Variants in DLGAP1 observed in about 807,000 individuals in gnomAD.
DLGAP1 encodes the protein DLG associated protein 1, also known as disks large-associated protein 1.
DLGAP1 carries 11 observed loss-of-function variants against 90.8 expected under a neutral mutation model. The observed-to-expected ratio is 0.12, with a 90% CI of 0.08 to 0.20. DLGAP1 has a LOEUF of 0.20. Among genes scored for constraint, DLGAP1 ranks in the 10% least tolerant of loss-of-function variants. The pLI is 1.00. For synonymous variants in DLGAP1, 558 were observed against 540.7 expected (o/e 1.03, Z -0.44); for missense variants, 1,050 against 1,333.8 (o/e 0.79, Z 3.31).
chr18:4,131,197 CGT>C lies in DLGAP1; in HGVS notation c.-159+19981_-159+19982del, dbSNP rs151048659. ...ATGAGCTTCAGGAAAAAAACGTGGGCGTGTGTGTGTGTGTGCGTGCAAGCACG... is the reference window on the plus strand; with the variant it reads ...ATGAGCTTCAGGAAAAAAACGTGGGCGTGTGTGTGTGTGCGTGCAAGCACG... On this transcript the variant is annotated intron_variant, in intron 2 of 12. Transcript: ENST00000315677. Among the ~76,000 whole-genome samples, 375 of 150,604 alleles carry C rather than the reference CGT, an allele frequency of 2.5e-3. 1 individual carries two copies. Among genetic ancestry groups the C allele is most frequent in the African/African-American group, 8.2e-3 (336 of 41,200 alleles).
intron 1 of DLGAP1, among the ~76,000 whole-genome samples, chr18:4,268,945 G>C (rs975850461): frequency 6.6e-6 from 1 of 152,064 alleles, no homozygotes; most frequent in Non-Finnish European, 1.5e-5. Flanking sequence ...CTTTTATTCA[G>C]TATTGTGTTA....
At chr18:3,980,847 A>G (rs2073712458) in intron 3 of DLGAP1, among the ~76,000 whole-genome samples, 1 of 152,220 alleles carries the variant, frequency 6.6e-6, no homozygotes, top group Non-Finnish European at 1.5e-5. Flanking sequence ...AAGCTAATTA[A>G]CATATCTATT....
At chr18:3,510,622 G>A (rs1022526660) in intron 10 of DLGAP1, among the ~76,000 whole-genome samples, 1 of 152,134 alleles carries the variant, frequency 6.6e-6, no homozygotes, top group African/African-American at 2.4e-5. Context: ...TTGCTGAAGG[G>A]TAGGACTGTG....
intron 1 of DLGAP1, among the ~76,000 whole-genome samples, chr18:4,443,027 T>A (rs1767678468): frequency 1.3e-5 from 2 of 152,206 alleles, no homozygotes; most frequent in African/African-American, 2.4e-5. Flanking sequence ...CATTCTCCAA[T>A]AGCGGACATC....
At chr18:3,792,631 C>T (rs1295379583) in intron 5 of DLGAP1, among the ~76,000 whole-genome samples, 1 of 152,152 alleles carries the variant, frequency 6.6e-6, no homozygotes, top group Non-Finnish European at 1.5e-5. Flanking sequence ...CCACTGCAGA[C>T]CAGAAGGAAT....
intron 3 of DLGAP1, among the ~76,000 whole-genome samples, chr18:4,000,320 G>T (rs1171532651): frequency 6.6e-6 from 1 of 151,848 alleles, no homozygotes; most frequent in Non-Finnish European, 1.5e-5. Context: ...ATTTTCAACG[G>T]ATATGTTTTT....
intron 9 of DLGAP1, among the ~76,000 whole-genome samples, chr18:3,543,596 G>T (rs1272023345): frequency 6.6e-6 from 1 of 152,194 alleles, no homozygotes; most frequent in African/African-American, 2.4e-5. Flanking sequence ...GCATGGCAAT[G>T]ATGGAGTAAG....
chr18:3,834,925 A>G (rs2068283352), intron 4 of DLGAP1, among the ~76,000 whole-genome samples: 1 of 152,226 alleles, frequency 6.6e-6, no homozygotes, highest in Admixed American at 6.5e-5. Context: ...GTACACGATA[A>G]CCTAAGGAAC....
At chr18:4,444,244 T>C (rs952031736) in intron 1 of DLGAP1, among the ~76,000 whole-genome samples, 3 of 152,100 alleles carry the variant, frequency 2.0e-5, no homozygotes, top group East Asian at 1.9e-4. Context: ...CCATATCCCA[T>C]CTCACCTTAA....
chr18:4,030,928 A>G (rs1013648876), intron 2 of DLGAP1, among the ~76,000 whole-genome samples: 24 of 152,272 alleles, frequency 1.6e-4, no homozygotes, highest in Admixed American at 8.5e-4. Context: ...GTCTCAAAAC[A>G]AAAACAAAAA....
intron 1 of DLGAP1, among the ~76,000 whole-genome samples, chr18:4,368,130 T>A (rs1299209733): frequency 6.6e-6 from 1 of 152,190 alleles, no homozygotes; most frequent in East Asian, 1.9e-4. Flanking sequence ...TTAAAAGTTT[T>A]AAGGATAGTC....
Position 4,262,998 on chromosome 18 carries a change from T to C in DLGAP1, c.-266-111711A>G, listed in dbSNP as rs571612729. 2.6e-5 allele frequency among the ~76,000 whole-genome samples: 4 copies of C among 152,252 alleles called. No homozygotes were observed. In the East Asian group the frequency reaches 7.7e-4, roughly 29 times the overall value. On this transcript the variant is annotated intron_variant, in intron 1 of 12. Transcript: ENST00000315677. ...ACTAGGCTAGAGTGCAGTGGTGTGATTTCGGCTCAGTGTAATCTCTGCCTC... is the reference window on the plus strand; with the variant it reads ...ACTAGGCTAGAGTGCAGTGGTGTGACTTCGGCTCAGTGTAATCTCTGCCTC...
chr18:4,267,242 C>A (rs2079151101), intron 1 of DLGAP1, among the ~76,000 whole-genome samples: 2 of 152,126 alleles, frequency 1.3e-5, no homozygotes, highest in African/African-American at 4.8e-5. Context: ...CAGTCAACTG[C>A]TGTCTTAATA....
chr18:3,639,522 G>T (rs891615531), intron 7 of DLGAP1, among the ~76,000 whole-genome samples: 5 of 152,096 alleles, frequency 3.3e-5, no homozygotes, highest in African/African-American at 9.7e-5. Context: ...GGGCATTGGC[G>T]GTCACGGGGC....
intron 5 of DLGAP1, among the ~76,000 whole-genome samples, chr18:3,755,009 C>T (rs148362592): frequency 1.5e-4 from 23 of 152,058 alleles, no homozygotes; most frequent in East Asian, 1.2e-3. Flanking sequence ...AATGTAAAGA[C>T]GCAGTATTAA....
chr18:4,333,966 C>T (rs893859131), intron 1 of DLGAP1, among the ~76,000 whole-genome samples: 6 of 150,438 alleles, frequency 4.0e-5, no homozygotes, highest in Middle Eastern at 3.4e-3. Flanking sequence ...AGGCCAGGTG[C>T]GGTGGCTCAC....
intron 1 of DLGAP1, among the ~76,000 whole-genome samples, chr18:4,159,460 G>A (rs73369052): frequency 0.025 from 3,768 of 152,154 alleles, 167 homozygotes; most frequent in African/African-American, 0.085. Flanking sequence ...TTCTTTGCCC[G>A]GCAAACTCCT....
chr18:3,728,972 C>T (rs1258749742), intron 7 of DLGAP1, among the ~76,000 whole-genome samples, 163 bp downstream of exon 7: 1 of 152,098 alleles, frequency 6.6e-6, no homozygotes, highest in South Asian at 2.1e-4. Context: ...TGGCCAGAGG[C>T]GGGGATAGAG....
At chr18:4,120,861 G>A (rs1039956431) in intron 2 of DLGAP1, among the ~76,000 whole-genome samples, 2 of 151,556 alleles carry the variant, frequency 1.3e-5, no homozygotes, top group Admixed American at 1.3e-4. Context: ...AATGCCTACA[G>A]TAGGCTAGGC....
Sources: allele counts gnomAD v4.1 joint callset (sites outside exome capture counted in the v4.1 genomes callset), GRCh38; gene constraint gnomAD v4.1.1; transcripts MANE v1.5; gene names NCBI Gene and HGNC (gene_info 2026-07-23, HGNC 2026-07-21).